VCAN: variants seen among roughly 807,000 people sequenced by gnomAD.
The protein encoded by VCAN is versican core protein.
VCAN carries 44 observed loss-of-function variants against 245.5 expected under a neutral mutation model. The observed-to-expected ratio is 0.18, with a 90% confidence interval of 0.14 to 0.23. VCAN has a LOEUF of 0.23. Ranked by LOEUF, VCAN falls within the 10% of genes least tolerant of loss-of-function variation. VCAN has a pLI of 1.00. For synonymous variants in VCAN, 1,413 were observed against 1,437.0 expected (o/e 0.98, Z 0.38); for missense variants, 3,793 against 4,057.9 (o/e 0.93, Z 1.77).
intron 5 of VCAN, among the ~76,000 whole-genome samples, chr5:83,496,992 C>T (rs868600315): frequency 5.3e-5 from 8 of 152,126 alleles, no homozygotes; most frequent in Admixed American, 5.2e-4. Flanking sequence ...CAAATAATTC[C>T]CACCTATATT....
chr5:83,541,163 T>A lies in VCAN; in HGVS notation c.8160T>A (p.Phe2720Leu), dbSNP rs754790705. The A allele has an allele frequency of 1.2e-6, 2 of 1,614,066 alleles. No homozygotes were observed. Among genetic ancestry groups the A allele is most frequent in the Admixed American group, 3.3e-5 (2 of 59,990 alleles). ...KAEAKALDDM[F>L]ESSTLSDGQA... ...AAGCAAAAGCCCTGGATGACATGTT[T>A]GAATCAAGCACTTTGTCTGATGGTC... is the stretch of plus-strand genomic sequence containing the variant. The change falls in exon 8 of 15, where the codon TTT becomes TTA. Residue 2720 changes from phenylalanine (F) to leucine (L), a missense_variant. Phe to Leu is a conservative substitution (Grantham distance 22). This residue lies in a region of VCAN where 3,182 missense variants were observed against 3,250.3 expected (regional missense o/e 0.98). Transcript: ENST00000265077.
chr5:83,509,592 G>A (rs2112386557), intron 5 of VCAN, among the ~76,000 whole-genome samples: 1 of 152,324 alleles, frequency 6.6e-6, no homozygotes, highest in Admixed American at 6.5e-5. Context: ...TTACTTAAGA[G>A]GAATGGTAGT....
intron 12 of VCAN, among the ~76,000 whole-genome samples, chr5:83,571,375 T>C (rs1208144486): frequency 6.6e-6 from 1 of 151,796 alleles, no homozygotes; most frequent in African/African-American, 2.4e-5. Flanking sequence ...AACCGGAGAG[T>C]TCTGGGTGCA....
intron 1 of VCAN, among the ~76,000 whole-genome samples, chr5:83,473,421 C>A (rs1249305412): frequency 6.6e-6 from 1 of 152,158 alleles, no homozygotes; most frequent in East Asian, 1.9e-4. Context: ...GCCGCGCGCA[C>A]ACCCGCGGCA....
intron 1 of VCAN, among the ~76,000 whole-genome samples, chr5:83,476,382 G>C (rs72769396): frequency 0.015 from 2,236 of 152,302 alleles, 25 homozygotes; most frequent in Non-Finnish European, 0.022. Context: ...TCTTTTGAAA[G>C]AAAGAATTAA....
rs944245983 is a variant in VCAN, at chr5:83,500,255, C to T, written c.748+6324C>T. Among the ~76,000 whole-genome samples, 5 of 152,158 alleles carry T rather than the reference C, an allele frequency of 3.3e-5. No individual in the cohort carries two copies. The South Asian group carries it at 6.2e-4, about 19-fold the overall frequency. On this transcript the variant is annotated intron_variant, in intron 5 of 14. Transcript: ENST00000265077. ...GATTCTTGATTTCAGAATCTCTTCA[C>T]ATTTGTTGCAGTTGGCCCTAGAAGA...
chr5:83,515,801 CTT>C (rs1181633317), intron 6 of VCAN, among the ~76,000 whole-genome samples: 1 of 152,156 alleles, frequency 6.6e-6, no homozygotes, highest in Non-Finnish European at 1.5e-5. Flanking sequence ...AGTTCATTAT[CTT>C]TTTTGTGTGT....
intron 13 of VCAN, among the ~76,000 whole-genome samples, chr5:83,573,606 TA>T (rs1748371648): frequency 6.6e-6 from 1 of 152,066 alleles, no homozygotes; most frequent in Non-Finnish European, 1.5e-5. Context: ...GAGAAACATA[TA>T]AAAACATGAC....
chr5:83,538,950 A>C lies in VCAN; in HGVS notation c.5947A>C (p.Ile1983Leu), dbSNP rs145891745. ...TVPTSVHISH[I>L]SDSEGPSSTM... ...ACCTACTTCAGTTCACATCAGTCACATATCTGACTCAGAAGGACCCAGTAG... is the reference window on the plus strand; with the variant it reads ...ACCTACTTCAGTTCACATCAGTCACCTATCTGACTCAGAAGGACCCAGTAG... The change falls in exon 8 of 15, where the codon ATA (isoleucine) becomes CTA (leucine). Residue 1983 changes from isoleucine (I) to leucine (L), a missense_variant. By Grantham distance (5) the Ile-to-Leu change is conservative. Transcript: ENST00000265077. 1 of 1,614,058 alleles carries C rather than the reference A, an allele frequency of 6.2e-7. No individual in the cohort carries two copies. The highest frequency in any genetic ancestry group is 1.1e-5 in the South Asian group (1 of 91,086).
chr5:83,520,578 G>A lies in VCAN; in HGVS notation c.2272G>A (p.Ala758Thr), dbSNP rs1245871521. The change falls in exon 7 of 15, where the codon GCA becomes ACA. Residue 758 changes from alanine to threonine, a missense_variant. Physicochemically the swap from Ala to Thr is moderately conservative, Grantham distance 58. This residue lies in a region of VCAN where 3,182 missense variants were observed against 3,250.3 expected (regional missense o/e 0.98). Coordinates refer to ENST00000265077, the MANE Select transcript of VCAN (RefSeq NM_004385.5). ...DFPTLITKLS[A>T]EPTEVRDMEE... ...CCCAACATTGATAACAAAGTTAAGTGCAGAGCCAACAGAAGTAAGAGATAT... is the reference window on the plus strand; with the variant it reads ...CCCAACATTGATAACAAAGTTAAGTACAGAGCCAACAGAAGTAAGAGATAT... 1 of 1,614,034 alleles carries A rather than the reference G, an allele frequency of 6.2e-7. No individual in the cohort carries two copies. The highest frequency in any genetic ancestry group is 1.1e-5 in the South Asian group (1 of 91,082).
chr5:83,572,908 T>C (rs1455254751), intron 13 of VCAN, among the ~76,000 whole-genome samples: 2 of 150,874 alleles, frequency 1.3e-5, no homozygotes, highest in Non-Finnish European at 3.0e-5. Context: ...TTTATTATTA[T>C]TATTGTTTTT....
intron 8 of VCAN, chr5:83,545,095 G>A (rs767316342): frequency 8.9e-6 from 2 of 223,620 alleles, no homozygotes; most frequent in South Asian, 6.6e-5. Context: ...TAATTCAAAT[G>A]ATGATAACAA....
chr5:83,495,115 A>G (rs1219708407), intron 5 of VCAN, among the ~76,000 whole-genome samples: 2 of 152,234 alleles, frequency 1.3e-5, no homozygotes, highest in African/African-American at 2.4e-5. Flanking sequence ...ATTAAATTAT[A>G]CTTTTAATTT....
intron 1 of VCAN, among the ~76,000 whole-genome samples, chr5:83,483,073 A>G (rs1744665708): frequency 6.6e-6 from 1 of 152,138 alleles, no homozygotes; most frequent in South Asian, 2.1e-4. Flanking sequence ...ATCTTTCTCT[A>G]TTGCTCCCCA....
intron 12 of VCAN, among the ~76,000 whole-genome samples, chr5:83,558,849 A>G (rs887504589): frequency 6.6e-6 from 1 of 152,070 alleles, no homozygotes; most frequent in Non-Finnish European, 1.5e-5. Flanking sequence ...AAAATCTATT[A>G]CTTTTTTTAT....
rs1287729411 is a variant in VCAN at position 83,537,515 on chromosome 5, C to T, written c.4512C>T (p.Val1504=). 1.9e-6 allele frequency: 3 copies of T among 1,613,810 alleles called. No homozygotes were observed. The highest frequency in any genetic ancestry group is 2.5e-6 in the Non-Finnish European group (3 of 1,179,968). ...GTGAGCCTGATGTTTTCCCCACAGT[C>T]CCATTCCATGAGGAATTTGAAAGTG... ...SGGEPDVFPT[V]PFHEEFESGT... The change falls in exon 8 of 15, where the codon GTC becomes GTT. Residue 1504 remains valine (V), a synonymous_variant. Transcript: ENST00000265077.
chr5:83,514,940 T>C (rs1745795794), intron 6 of VCAN, among the ~76,000 whole-genome samples: 1 of 152,214 alleles, frequency 6.6e-6, no homozygotes, highest in Non-Finnish European at 1.5e-5. Flanking sequence ...TAGAGGAATT[T>C]AGAAATATAA....
intron 13 of VCAN, among the ~76,000 whole-genome samples, chr5:83,574,670 G>A (rs992018236): frequency 1.3e-5 from 2 of 152,100 alleles, no homozygotes; most frequent in Non-Finnish European, 2.9e-5. Flanking sequence ...ATTGTCACCG[G>A]TTTTTGCCAA....
intron 1 of VCAN, among the ~76,000 whole-genome samples, chr5:83,475,782 T>C (rs576821441): frequency 6.6e-6 from 1 of 152,334 alleles, no homozygotes; most frequent in South Asian, 2.1e-4. Flanking sequence ...CTTAATCTTC[T>C]TGTGAGAAGA....
Sources: allele counts gnomAD v4.1 joint callset (sites outside exome capture counted in the v4.1 genomes callset), GRCh38; gene constraint gnomAD v4.1.1; regional missense constraint gnomAD v4.1.1; transcripts MANE v1.5; gene names NCBI Gene and HGNC (gene_info 2026-07-23, HGNC 2026-07-21).